Variants in RBFOX1 observed in about 807,000 individuals in gnomAD.
The protein encoded by RBFOX1 is RNA binding protein fox-1 homolog 1.
RBFOX1 carries 8 observed loss-of-function variants against 57.7 expected under a neutral mutation model. The observed-to-expected ratio is 0.14, with a 90% CI of 0.08 to 0.25. The LOEUF (loss-of-function observed/expected upper bound fraction) is 0.25, where lower values mean the gene tolerates loss of function less well. RBFOX1 is among the 10% of genes least tolerant of loss of function. The pLI is 1.00. For missense variants in RBFOX1, 611 were observed against 548.5 expected, an observed-to-expected ratio of 1.11 and a Z score of -1.14; for synonymous variants, 326 against 222.4, an observed-to-expected ratio of 1.47 and a Z score of -4.15.
intron 4 of RBFOX1, among the ~76,000 whole-genome samples, chr16:7,077,150 G>T (rs1026305253): frequency 1.3e-5 from 2 of 152,096 alleles, no homozygotes; most frequent in Non-Finnish European, 2.9e-5. Flanking sequence ...TTAGCTCTGG[G>T]GGAATTATTC....
rs185263765 is a variant in RBFOX1 at position 5,538,296 on chromosome 16, T to A, written c.259-60606T>A. Among the ~76,000 whole-genome samples the A allele has an allele frequency of 3.9e-3, 591 of 152,298 alleles. 4 individuals are homozygous for A. The highest frequency in any genetic ancestry group is 0.01 in the Admixed American group (154 of 15,300). On this transcript the variant is annotated intron_variant, in intron 2 of 2. Coordinates refer to the RBFOX1 transcript ENST00000585867. ...TTTGAGCCTTGGTTTTCTTAGCTTT[T>A]AAAATGGAGGTAATGAAAATAGCAT...
At chr16:7,702,464 G>C (rs535856796) in intron 14 of RBFOX1, among the ~76,000 whole-genome samples, 1 of 152,282 alleles carries the variant, frequency 6.6e-6, no homozygotes, top group South Asian at 2.1e-4. Context: ...CTGTTTTGCT[G>C]CATTTTCATT....
Position 6,870,758 on chromosome 16 carries a change from C to A in RBFOX1, c.-15-181299C>A, listed in dbSNP as rs149004613. Among the ~76,000 whole-genome samples, 370 of 152,246 alleles carry A rather than the reference C, an allele frequency of 2.4e-3. 4 individuals are homozygous for A. Among genetic ancestry groups the A allele is most frequent in the African/African-American group, 8.5e-3 (353 of 41,530 alleles). ...ACCAAAACTCCTCCCCACCCCAGCCCCTCAACAAACTAAACAACTGTTTCA... is the reference window on the plus strand; with the variant it reads ...ACCAAAACTCCTCCCCACCCCAGCCACTCAACAAACTAAACAACTGTTTCA... On this transcript the variant is annotated intron_variant, in intron 3 of 15. Coordinates refer to ENST00000550418, the MANE Select transcript of RBFOX1 (RefSeq NM_018723.4).
At chr16:6,641,923 C>T (rs1445117061) in intron 2 of RBFOX1, among the ~76,000 whole-genome samples, 1 of 152,104 alleles carries the variant, frequency 6.6e-6, no homozygotes, top group Non-Finnish European at 1.5e-5. Context: ...GGGCTTCTTC[C>T]AGCCTCTTCT....
At chr16:7,470,780 T>G (rs2061418288) in intron 4 of RBFOX1, among the ~76,000 whole-genome samples, 1 of 152,122 alleles carries the variant, frequency 6.6e-6, no homozygotes, top group Non-Finnish European at 1.5e-5. Context: ...TTTATGCCAT[T>G]GATCTCACTG....
chr16:6,167,981 A>G (rs1435392832), intron 1 of RBFOX1, among the ~76,000 whole-genome samples: 7 of 152,146 alleles, frequency 4.6e-5, no homozygotes. Context: ...CCAATTATAA[A>G]CTTTAACCTT....
chr16:7,214,690 C>A (rs576380750), intron 4 of RBFOX1, among the ~76,000 whole-genome samples: 1 of 152,066 alleles, frequency 6.6e-6, no homozygotes, highest in East Asian at 1.9e-4. Flanking sequence ...ATCCAGAACC[C>A]TTCACACAGG....
At chr16:6,026,755 C>T (rs2095203541) in intron 1 of RBFOX1, among the ~76,000 whole-genome samples, 1 of 152,254 alleles carries the variant, frequency 6.6e-6, no homozygotes, top group East Asian at 1.9e-4. Flanking sequence ...TCCTTGGAGT[C>T]TCAAGGCCCT....
At chr16:6,222,413 C>A (rs1428019165) in intron 1 of RBFOX1, among the ~76,000 whole-genome samples, 3 of 151,846 alleles carry the variant, frequency 2.0e-5, no homozygotes, top group Non-Finnish European at 4.4e-5. Context: ...GTACGTTTTC[C>A]CTTCCCTCCT....
chr16:6,298,465 G>C (rs2078400167), intron 1 of RBFOX1, among the ~76,000 whole-genome samples: 1 of 152,202 alleles, frequency 6.6e-6, no homozygotes, highest in African/African-American at 2.4e-5. Context: ...ATTTGACAAA[G>C]TGTGCTTTGT....
rs9932758 is a variant in RBFOX1 at position 7,344,175 on chromosome 16, C to A, written c.28-173972C>A. 4.3e-3 allele frequency among the ~76,000 whole-genome samples: 624 copies of A among 145,872 alleles called. 3 individuals are homozygous for A. The highest frequency in any genetic ancestry group is 0.015 in the African/African-American group (602 of 39,510). ...CAGTTTTCTCTTCGGTAAAATGGCCCATATTAAAAGTGCCTAAATTCAAGC... is the reference window on the plus strand; with the variant it reads ...CAGTTTTCTCTTCGGTAAAATGGCCAATATTAAAAGTGCCTAAATTCAAGC... On this transcript the variant is annotated intron_variant, in intron 4 of 15. Transcript: ENST00000550418.
chr16:6,556,228 C>T (rs973963388), intron 2 of RBFOX1, among the ~76,000 whole-genome samples: 60 of 152,214 alleles, frequency 3.9e-4, no homozygotes, highest in African/African-American at 1.4e-3. Context: ...CAACGTCTCT[C>T]TATCTACTTA....
At chr16:6,772,718 G>C (rs999342073) in intron 3 of RBFOX1, among the ~76,000 whole-genome samples, 5 of 150,852 alleles carry the variant, frequency 3.3e-5, no homozygotes, top group African/African-American at 1.2e-4. Context: ...ATTTGTATGT[G>C]TGTGATTGTG....
intron 4 of RBFOX1, among the ~76,000 whole-genome samples, chr16:5,931,899 C>T (rs144541676): frequency 6.6e-6 from 1 of 152,288 alleles, no homozygotes; most frequent in Non-Finnish European, 1.5e-5. Context: ...CCTTGACCTC[C>T]TGGGCTCGAG....
At chr16:7,010,795 C>T (rs2093617903) in intron 3 of RBFOX1, among the ~76,000 whole-genome samples, 1 of 152,074 alleles carries the variant, frequency 6.6e-6, no homozygotes, top group African/African-American at 2.4e-5. Flanking sequence ...AAACTCCTGG[C>T]CTCAAGTGAT....
intron 3 of RBFOX1, among the ~76,000 whole-genome samples, chr16:5,743,055 T>C (rs953325063): frequency 6.6e-6 from 1 of 152,194 alleles, no homozygotes; most frequent in African/African-American, 2.4e-5. Context: ...TGTTTTTTTT[T>C]CTCCAAGTGC....
chr16:5,435,175 C>T (rs2067877628), intron 1 of RBFOX1, among the ~76,000 whole-genome samples: 1 of 152,170 alleles, frequency 6.6e-6, no homozygotes, highest in South Asian at 2.1e-4. Context: ...TGTGGTTCCC[C>T]CTGTTTACGC....
intron 3 of RBFOX1, among the ~76,000 whole-genome samples, chr16:6,949,695 C>T (rs1402111242): frequency 1.3e-5 from 2 of 152,130 alleles, no homozygotes; most frequent in East Asian, 3.9e-4. Flanking sequence ...TTACCTCCTT[C>T]TAGGTCCTAC....
chr16:7,040,894 T>TA (rs2045924858), intron 3 of RBFOX1, among the ~76,000 whole-genome samples: 1 of 139,912 alleles, frequency 7.1e-6, no homozygotes, highest in African/African-American at 2.8e-5. Flanking sequence ...AAGTTTTTTT[T>TA]TTGTTTTGTT....
Sources: allele counts gnomAD v4.1 joint callset (sites outside exome capture counted in the v4.1 genomes callset), GRCh38; gene constraint gnomAD v4.1.1; transcripts MANE v1.5; gene names NCBI Gene and HGNC (gene_info 2026-07-23, HGNC 2026-07-21).